The following STMN2 variants were observed in gnomAD, a reference collection of about 807,000 sequenced individuals.
The protein encoded by STMN2 is stathmin 2.
A neutral mutation model predicts 24.1 loss-of-function variants in STMN2; 2 were observed. That is an observed-to-expected ratio of 0.08 (90% CI 0.03 to 0.26). The LOEUF (loss-of-function observed/expected upper bound fraction) is 0.26. Ranked by LOEUF, STMN2 falls within the 10% of genes least tolerant of loss-of-function variation. The pLI, the probability that STMN2 is intolerant of heterozygous loss-of-function variation, is 1.00. For missense variants in STMN2, 114 were observed against 213.6 expected, an observed-to-expected ratio of 0.53 and a Z score of 2.91; for synonymous variants, 83 against 77.5, an observed-to-expected ratio of 1.07 and a Z score of -0.37.
chr8:79,635,889 A>G (rs1475710248), intron 1 of STMN2, among the ~76,000 whole-genome samples: 2 of 152,102 alleles, frequency 1.3e-5, no homozygotes, highest in African/African-American at 2.4e-5. Context: ...TACCCCTTGT[A>G]TCTAAAATAA....
At chr8:79,663,563 T>C (rs968374317) in intron 4 of STMN2, 5 of 1,479,722 alleles carry the variant, frequency 3.4e-6, no homozygotes, top group Admixed American at 4.4e-5. Context: ...AGTTTAACGA[T>C]AAGTTTTACT....
chr8:79,659,877 G>C (rs111680311), intron 4 of STMN2, among the ~76,000 whole-genome samples: 23,637 of 151,910 alleles, frequency 0.16, 2,147 homozygotes, highest in Non-Finnish European at 0.21. Flanking sequence ...AAAAAGCCTG[G>C]ATATAGACTT....
At chr8:79,649,645 T>G (rs1810291669) in intron 3 of STMN2, among the ~76,000 whole-genome samples, 2 of 152,162 alleles carry the variant, frequency 1.3e-5, no homozygotes, top group Admixed American at 1.3e-4. Context: ...TCAACGGTCC[T>G]GGATAGCAAG....
rs1252934621 is a variant in STMN2, at chr8:79,665,112, T to TA, written c.*244dup. The TA allele has an allele frequency of 3.2e-6, 1 of 317,294 alleles. No homozygotes were observed. The highest frequency in any genetic ancestry group is 2.2e-5 in the African/African-American group (1 of 45,922). 19.7% of individuals were successfully genotyped at this position (317,294 alleles called of 1,614,324 possible). ...ATTTTGTAAATACTTACATTTTTGT[T>TA]AAAAAATACAAGTATTGCATTATGC... is the stretch of plus-strand genomic sequence containing the variant. On this transcript the variant is annotated 3_prime_UTR_variant, in exon 5 of 5. Transcript: ENST00000220876.
rs918209327 is a variant in STMN2 at position 79,665,869 on chromosome 8, G to A, written c.*995G>A. The stretch of plus-strand genomic sequence containing the variant: ...AAAAACACTGCGGACTTTCACTCAA[G>A]CTGGTCTTTCTTCCCCAGTGTAAGG... On this transcript the variant is annotated 3_prime_UTR_variant, in exon 5 of 5. Transcript: ENST00000220876. 6.6e-6 allele frequency: 1 copy of A among 152,320 alleles called. No homozygotes were observed. Among genetic ancestry groups the A allele is most frequent in the Non-Finnish European group, 1.5e-5 (1 of 68,148 alleles). The allele number at this position is 152,320 out of a possible 1,614,324, so 9.4% of individuals were successfully genotyped here. A position where few individuals can be genotyped will look rare whatever the true frequency, so the allele number is the denominator to read the frequency against.
At chr8:79,643,306 T>G (rs1419117811) in intron 3 of STMN2, among the ~76,000 whole-genome samples, 1 of 151,566 alleles carries the variant, frequency 6.6e-6, no homozygotes, top group Non-Finnish European at 1.5e-5. Flanking sequence ...TTAGCTTTAT[T>G]CTCATAGTAA....
chr8:79,656,897 A>ACG (rs1806385681), intron 4 of STMN2, among the ~76,000 whole-genome samples: 1 of 148,372 alleles, frequency 6.7e-6, no homozygotes, highest in Non-Finnish European at 1.5e-5. Flanking sequence ...TTTTTGAGAT[A>ACG]GAGTCTCGCT....
At position 79,665,913 on chromosome 8, in the gene STMN2, A is replaced by C. The variant is rs1806586781; in HGVS notation, c.*1039A>C. 1 of 152,198 alleles carries C rather than the reference A, an allele frequency of 6.6e-6. No homozygotes were observed. Among genetic ancestry groups the C allele is most frequent in the Non-Finnish European group, 1.5e-5 (1 of 68,058 alleles). The allele number at this position is 152,198 out of a possible 1,614,324, so 9.4% of individuals were successfully genotyped here. On this transcript the variant is annotated 3_prime_UTR_variant, in exon 5 of 5. Coordinates refer to ENST00000220876, the MANE Select transcript of STMN2 (RefSeq NM_007029.4). ...TGTAAGGCAATCCTGCCTACTAACA[A>C]CACCAACAACAAAACACTCCATCTG...
At chr8:79,645,209 C>G (rs1462164737) in intron 3 of STMN2, among the ~76,000 whole-genome samples, 1 of 151,338 alleles carries the variant, frequency 6.6e-6, no homozygotes, top group African/African-American at 2.4e-5. Context: ...TTTAAATGTT[C>G]TAGAAGCCAC....
intron 1 of STMN2, chr8:79,613,749 C>G: frequency 3.0e-6 from 3 of 985,352 alleles, no homozygotes; most frequent in Non-Finnish European, 3.6e-6. Context: ...ATCCCTTTCC[C>G]CCACAAAAAG....
intron 3 of STMN2, among the ~76,000 whole-genome samples, chr8:79,648,605 G>C (rs1810268222): frequency 6.6e-6 from 1 of 151,668 alleles, no homozygotes; most frequent in African/African-American, 2.4e-5. Flanking sequence ...TGGGATTATA[G>C]GCACCCACCA....
chr8:79,643,075 G>A (rs1810139527), intron 3 of STMN2, among the ~76,000 whole-genome samples: 1 of 146,384 alleles, frequency 6.8e-6, no homozygotes, highest in African/African-American at 2.5e-5. Flanking sequence ...TTGTATATAT[G>A]CCATAATTAT....
chr8:79,642,787 TG>T (rs1810130531), intron 3 of STMN2, among the ~76,000 whole-genome samples: 1 of 151,548 alleles, frequency 6.6e-6, no homozygotes, highest in Non-Finnish European at 1.5e-5. Context: ...TCTTTGTAGT[TG>T]AAAAAAAATC....
intron 1 of STMN2, among the ~76,000 whole-genome samples, chr8:79,622,959 CAT>C (rs1419102220): frequency 2.6e-5 from 4 of 152,142 alleles, no homozygotes; most frequent in African/African-American, 9.7e-5. Flanking sequence ...CACAATATCT[CAT>C]TGCCACCTCC....
intron 1 of STMN2, among the ~76,000 whole-genome samples, chr8:79,621,526 G>A (rs144152638): frequency 2.0e-5 from 3 of 152,240 alleles, no homozygotes; most frequent in African/African-American, 7.2e-5. Context: ...AACCCACCTG[G>A]CCAGCCCTTC....
In STMN2 at chr8:79,658,068, T is replaced by C. The variant is rs529344700; in HGVS notation, c.480+3006T>C. ...ACTTTGGGAGGCCAAGGCAAGAGAA[T>C]TGCTTGAAGCCAGGAGTTCGAGACC... is the stretch of plus-strand genomic sequence containing the variant. On this transcript the variant is annotated intron_variant, in intron 4 of 4. Transcript: ENST00000220876. Among the ~76,000 whole-genome samples, 68 of 152,302 alleles carry C rather than the reference T, an allele frequency of 4.5e-4. No homozygotes were observed. In the South Asian group the frequency reaches 0.014, roughly 31 times the overall value.
chr8:79,628,007 G>A (rs1809700800), intron 1 of STMN2, among the ~76,000 whole-genome samples: 1 of 152,084 alleles, frequency 6.6e-6, no homozygotes, highest in South Asian at 2.1e-4. Flanking sequence ...ATTTGTTGAT[G>A]GATACTCATA....
intron 1 of STMN2, among the ~76,000 whole-genome samples, chr8:79,615,824 G>C (rs142498002): frequency 6.6e-6 from 1 of 152,080 alleles, no homozygotes; most frequent in Non-Finnish European, 1.5e-5. Flanking sequence ...GTAGATACAC[G>C]CCCTGGTTAA....
chr8:79,644,545 T>G (rs1340468475), intron 3 of STMN2, among the ~76,000 whole-genome samples: 1 of 152,158 alleles, frequency 6.6e-6, no homozygotes, highest in African/African-American at 2.4e-5. Context: ...CTGAATCACA[T>G]GCCCACCACT....
Sources: gnomAD v4.1 joint callset for allele counts (sites outside exome capture counted in the v4.1 genomes callset) on GRCh38, gnomAD v4.1.1 for gene constraint, MANE v1.5 for transcripts, NCBI Gene and HGNC (gene_info 2026-07-23, HGNC 2026-07-21) for gene names.